The following UNC5D variants were observed in gnomAD, a reference collection of about 807,000 sequenced individuals.
UNC5D encodes the protein netrin receptor UNC5D.
Under a neutral mutation model 105.4 loss-of-function variants are expected in UNC5D, and 39 were observed. The observed-to-expected ratio is 0.37, with a 90% CI of 0.29 to 0.48. The LOEUF is 0.48. Among genes scored for constraint, UNC5D ranks in the 20% least tolerant of loss-of-function variants. The pLI, the probability that UNC5D is intolerant of heterozygous loss-of-function variation, is 0.98. For missense variants in UNC5D, 991 were observed against 1,202.4 expected (o/e 0.82, Z 2.60); for synonymous variants, 452 against 450.4 (o/e 1.00, Z -0.04).
intron 1 of UNC5D, among the ~76,000 whole-genome samples, chr8:35,327,047 GT>G (rs1810220941): frequency 6.6e-6 from 1 of 152,162 alleles, no homozygotes; most frequent in Non-Finnish European, 1.5e-5. Context: ...GTCTGAATTA[GT>G]GGAAATGGTC....
chr8:35,722,571 T>G (rs1298466946), intron 9 of UNC5D, among the ~76,000 whole-genome samples, 176 bp downstream of exon 9: 1 of 152,208 alleles, frequency 6.6e-6, no homozygotes, highest in Non-Finnish European at 1.5e-5. Context: ...CTTAGGTCCT[T>G]GTCTGCCACA....
rs763472547 is a variant in UNC5D at position 35,774,326 on chromosome 8, G to C, written c.2506G>C (p.Ala836Pro). ...TGAACGAGAAACCATCACTTTCTTC[G>C]CACAAGAGGACAGCACTTTCCCTGC... ...ESERETITFF[A>P]QEDSTFPAQT... Residue 836 changes from alanine (A) to proline (P), a missense_variant, in exon 16 of 17, where the codon GCA becomes CCA. Coordinates refer to ENST00000404895, the MANE Select transcript of UNC5D (RefSeq NM_080872.4). 7 of 1,613,956 alleles carry C rather than the reference G, an allele frequency of 4.3e-6. No homozygotes were observed. Among genetic ancestry groups the C allele is most frequent in the Non-Finnish European group, 5.1e-6 (6 of 1,179,952 alleles).
intron 15 of UNC5D, among the ~76,000 whole-genome samples, chr8:35,768,035 T>C (rs1483324246): frequency 1.3e-5 from 2 of 150,312 alleles, no homozygotes; most frequent in African/African-American, 4.9e-5. Flanking sequence ...TATTAATATA[T>C]AAATATATAT....
chr8:35,488,444 T>A (rs902328016), intron 1 of UNC5D, among the ~76,000 whole-genome samples: 1 of 152,196 alleles, frequency 6.6e-6, no homozygotes, highest in African/African-American at 2.4e-5. Flanking sequence ...AACATGAGCC[T>A]GGAGGTCACA....
intron 1 of UNC5D, among the ~76,000 whole-genome samples, chr8:35,284,929 T>G (rs1174302996): frequency 6.6e-6 from 1 of 152,168 alleles, no homozygotes; most frequent in Non-Finnish European, 1.5e-5. Flanking sequence ...GTAAAGTTCT[T>G]TTAATCAATT....
chr8:35,741,309 G>A (rs1411937325), intron 11 of UNC5D, among the ~76,000 whole-genome samples: 1 of 152,164 alleles, frequency 6.6e-6, no homozygotes, highest in African/African-American at 2.4e-5. Context: ...ATTCCAGTGT[G>A]TATATAATTC....
At chr8:35,249,591 ATAATAAT>A (rs1803551526) in intron 1 of UNC5D, among the ~76,000 whole-genome samples, 1 of 132,698 alleles carries the variant, frequency 7.5e-6, no homozygotes, top group Non-Finnish European at 1.6e-5. Context: ...AATAATAATA[ATAATAAT>A]AATAAAATAA....
At chr8:35,784,410 A>C (rs1802645717) in intron 16 of UNC5D, among the ~76,000 whole-genome samples, 1 of 152,112 alleles carries the variant, frequency 6.6e-6, no homozygotes, top group African/African-American at 2.4e-5. Context: ...GGGGAAATGA[A>C]TTGAAGACAA....
At chr8:35,770,611 AAC>A (rs1256619393) in intron 15 of UNC5D, among the ~76,000 whole-genome samples, 3 of 152,256 alleles carry the variant, frequency 2.0e-5, no homozygotes, top group Non-Finnish European at 4.4e-5. Flanking sequence ...CAACAGTATC[AAC>A]AGTCTAAAAT....
chr8:35,634,891 G>A (rs1385286112), intron 4 of UNC5D, among the ~76,000 whole-genome samples: 1 of 151,802 alleles, frequency 6.6e-6, no homozygotes, highest in Non-Finnish European at 1.5e-5. Context: ...CTCAGCTCCT[G>A]AGTAGCTGGG....
intron 2 of UNC5D, among the ~76,000 whole-genome samples, chr8:35,564,960 GAT>G (rs1206626758): frequency 6.6e-6 from 1 of 152,132 alleles, no homozygotes; most frequent in African/African-American, 2.4e-5. Context: ...GGCGCTCCAT[GAT>G]ATGATACATT....
chr8:35,401,308 A>G (rs1033402244), intron 1 of UNC5D, among the ~76,000 whole-genome samples: 4 of 152,082 alleles, frequency 2.6e-5, no homozygotes, highest in Admixed American at 2.0e-4. Flanking sequence ...ACATAATGAA[A>G]TCCCGTCTCT....
rs571265659 is a variant in UNC5D, at chr8:35,376,101, A to G, written c.103+140214A>G. 1.8e-4 allele frequency among the ~76,000 whole-genome samples: 27 copies of G among 152,322 alleles called. No homozygotes were observed. In the South Asian group the frequency reaches 3.1e-3, roughly 18 times the overall value. Reference sequence around the variant, plus strand: ...CACTTTCTATCTCAAGTAAAATTGGAGTTATCAAAACGAATTGAAATGTGC... The same window carrying G: ...CACTTTCTATCTCAAGTAAAATTGGGGTTATCAAAACGAATTGAAATGTGC... On this transcript the variant is annotated intron_variant, in intron 1 of 16. Coordinates refer to ENST00000404895, the MANE Select transcript of UNC5D (RefSeq NM_080872.4).
In UNC5D at chr8:35,416,325, A is replaced by C. The variant is rs189952995; in HGVS notation, c.104-132967A>C. ...CAGGAATACAAAGGAATTGTAAAAA[A>C]CACTCTAAAGAGAAGTACAGAGCCC... On this transcript the variant is annotated intron_variant, in intron 1 of 16. Transcript: ENST00000404895. Among the ~76,000 whole-genome samples, 399 of 152,286 alleles carry C rather than the reference A, an allele frequency of 2.6e-3. 2 individuals are homozygous for C. The highest frequency in any genetic ancestry group is 9.0e-3 in the African/African-American group (373 of 41,568).
At chr8:35,372,290 C>T (rs1014538074) in intron 1 of UNC5D, among the ~76,000 whole-genome samples, 10 of 151,544 alleles carry the variant, frequency 6.6e-5, no homozygotes, top group African/African-American at 2.2e-4. Context: ...TACCTGGTTA[C>T]GTTTTTGTAT....
At chr8:35,522,755 C>T (rs1813578369) in intron 1 of UNC5D, among the ~76,000 whole-genome samples, 1 of 152,316 alleles carries the variant, frequency 6.6e-6, no homozygotes, top group East Asian at 1.9e-4. Flanking sequence ...TCTACTATCT[C>T]TTCTAAGCCT....
At chr8:35,329,102 T>A (rs192804117) in intron 1 of UNC5D, among the ~76,000 whole-genome samples, 2 of 152,278 alleles carry the variant, frequency 1.3e-5, no homozygotes, top group Admixed American at 1.3e-4. Context: ...CTCTTATATA[T>A]CTAACTTCCT....
chr8:35,531,010 T>C (rs1278388247), intron 1 of UNC5D, among the ~76,000 whole-genome samples: 2 of 151,192 alleles, frequency 1.3e-5, no homozygotes, highest in Non-Finnish European at 2.9e-5. Context: ...CCTGGATTCA[T>C]TGATTTTTTG....
At chr8:35,705,988 T>C in intron 8 of UNC5D, 27 bp downstream of exon 8, 1 of 1,280,314 alleles carries the variant, frequency 7.8e-7, no homozygotes, top group South Asian at 1.3e-5. Flanking sequence ...CTTGTGAATA[T>C]AATTTATTCT....
Sources: allele counts gnomAD v4.1 joint callset (sites outside exome capture counted in the v4.1 genomes callset), GRCh38; gene constraint gnomAD v4.1.1; transcripts MANE v1.5; gene names NCBI Gene and HGNC (gene_info 2026-07-23, HGNC 2026-07-21).